ANO10: variants seen among roughly 807,000 people sequenced by gnomAD.
ANO10 encodes the protein anoctamin-10.
A neutral mutation model predicts 74.7 loss-of-function variants in ANO10; 77 were observed. That is an observed-to-expected ratio of 1.03 (90% CI 0.86 to 1.25). The LOEUF is 1.25. ANO10 is among the 50% of genes most tolerant of loss of function. The pLI is 0.00. For missense variants in ANO10, 721 were observed against 778.1 expected, an observed-to-expected ratio of 0.93 and a Z score of 0.87; for synonymous variants, 279 against 284.9, an observed-to-expected ratio of 0.98 and a Z score of 0.21.
At chr3:43,461,583 A>G (rs143440626) in intron 11 of ANO10, among the ~76,000 whole-genome samples, 8 of 152,300 alleles carry the variant, frequency 5.3e-5, no homozygotes, top group African/African-American at 1.7e-4. Context: ...AAGTCTCACA[A>G]GATATGATGG....
rs565266382 is a variant in ANO10, at chr3:43,591,938, C to A, written c.472+6594G>T. ...TCCAATGGTCTTAGCAAACGGCACA[C>A]CAGGAGATTATATCCTGTGCCTGGC... On this transcript the variant is annotated intron_variant, in intron 4 of 12. Coordinates refer to ENST00000292246, the MANE Select transcript of ANO10 (RefSeq NM_018075.5). Among the ~76,000 whole-genome samples the A allele has an allele frequency of 2.3e-4, 35 of 152,346 alleles. No homozygotes were observed. In the South Asian group the frequency reaches 6.6e-3, roughly 29 times the overall value.
intron 1 of ANO10, among the ~76,000 whole-genome samples, chr3:43,644,408 T>C (rs1488754712): frequency 6.6e-6 from 1 of 151,794 alleles, no homozygotes; most frequent in Non-Finnish European, 1.5e-5. Context: ...GGGTGAGAAA[T>C]GAGATCAAGG....
At chr3:43,448,047 G>C (rs544718054) in intron 11 of ANO10, among the ~76,000 whole-genome samples, 2 of 152,352 alleles carry the variant, frequency 1.3e-5, no homozygotes, top group African/African-American at 4.8e-5. Context: ...GAGCGACAAT[G>C]ATGGGATAGT....
chr3:43,397,855 T>C (rs1249169502), intron 12 of ANO10, among the ~76,000 whole-genome samples: 2 of 152,188 alleles, frequency 1.3e-5, no homozygotes, highest in Non-Finnish European at 2.9e-5. Context: ...TCTATCTCTA[T>C]CTCTCAGAGA....
intron 12 of ANO10, among the ~76,000 whole-genome samples, chr3:43,399,161 T>C (rs1269159255): frequency 6.6e-6 from 1 of 152,218 alleles, no homozygotes; most frequent in Non-Finnish European, 1.5e-5. Context: ...CTGATTTACA[T>C]GCGAAACACT....
chr3:43,457,589 G>A (rs1423065667), intron 11 of ANO10, among the ~76,000 whole-genome samples: 2 of 152,098 alleles, frequency 1.3e-5, no homozygotes, highest in African/African-American at 4.8e-5. Flanking sequence ...CTCAACATGT[G>A]GGGATCACGG....
chr3:43,562,541 C>T lies in ANO10; in HGVS notation c.1294-1139G>A, dbSNP rs182406991. Reference sequence around the variant, plus strand: ...ACTAAAAATACAAAAATTAGCCAGGCGTGGTGGCGCACATCTGTAATCCCA... The same window carrying T: ...ACTAAAAATACAAAAATTAGCCAGGTGTGGTGGCGCACATCTGTAATCCCA... On this transcript the variant is annotated intron_variant, in intron 8 of 12. Transcript: ENST00000292246. 2.1e-3 allele frequency among the ~76,000 whole-genome samples: 308 copies of T among 146,012 alleles called. 3 individuals carry two copies. Among genetic ancestry groups the T allele is most frequent in the Non-Finnish European group, 3.1e-3 (208 of 67,016 alleles).
chr3:43,397,254 G>C (rs1421192383), intron 12 of ANO10, among the ~76,000 whole-genome samples: 10 of 152,066 alleles, frequency 6.6e-5, no homozygotes, highest in Non-Finnish European at 1.3e-4. Context: ...TTAGAAGTCA[G>C]GTGTGCATCT....
intron 12 of ANO10, among the ~76,000 whole-genome samples, chr3:43,416,447 CAA>C (rs2092740368): frequency 6.6e-6 from 1 of 152,056 alleles, no homozygotes; most frequent in Non-Finnish European, 1.5e-5. Flanking sequence ...ATACAAAACT[CAA>C]AAATTTATGG....
chr3:43,422,035 A>G (rs1309945146), intron 12 of ANO10, among the ~76,000 whole-genome samples: 1 of 152,256 alleles, frequency 6.6e-6, no homozygotes, highest in Non-Finnish European at 1.5e-5. Context: ...GTTGACCATC[A>G]TGGCAATGCA....
chr3:43,588,060 T>C (rs1297445568), intron 4 of ANO10, among the ~76,000 whole-genome samples: 3 of 152,142 alleles, frequency 2.0e-5, no homozygotes, highest in East Asian at 1.9e-4. Context: ...CAGAACCAGA[T>C]GGTTTCATAT....
chr3:43,663,593 T>A (rs2083952124), intron 1 of ANO10, among the ~76,000 whole-genome samples: 1 of 152,144 alleles, frequency 6.6e-6, no homozygotes, highest in African/African-American at 2.4e-5. Context: ...AGAGTGGAAT[T>A]CAAATTGTCT....
intron 11 of ANO10, among the ~76,000 whole-genome samples, chr3:43,530,334 G>A (rs1368331134): frequency 1.8e-5 from 2 of 108,840 alleles, no homozygotes; most frequent in Admixed American, 9.1e-5. Context: ...ACAAGTGAAC[G>A]AAAAGTAAGC....
intron 2 of ANO10, among the ~76,000 whole-genome samples, chr3:43,602,346 T>A (rs2149486859): frequency 1.3e-5 from 2 of 152,286 alleles, no homozygotes; most frequent in East Asian, 3.9e-4. Flanking sequence ...TTAATTAATT[T>A]ATTTATTTTG....
intron 12 of ANO10, among the ~76,000 whole-genome samples, chr3:43,415,545 C>CTTTTTTTTTT (rs538224235): frequency 1.4e-5 from 2 of 147,246 alleles, no homozygotes; most frequent in African/African-American, 5.0e-5. Flanking sequence ...TTCTTTCTTT[C>CTTTTTTTTTT]TTTTTTTTTT....
chr3:43,485,550 T>A (rs2076445036), intron 11 of ANO10: 1 of 244,560 alleles, frequency 4.1e-6, no homozygotes, highest in South Asian at 5.3e-5. Flanking sequence ...GAACCCCAGG[T>A]CAGAGAAGAC....
At chr3:43,471,135 G>T (rs2075841387) in intron 11 of ANO10, among the ~76,000 whole-genome samples, 1 of 152,106 alleles carries the variant, frequency 6.6e-6, no homozygotes, top group Admixed American at 6.6e-5. Flanking sequence ...ACATAACACT[G>T]CTGTGGTGAC....
At chr3:43,450,793 G>C (rs567973100) in intron 11 of ANO10, among the ~76,000 whole-genome samples, 4 of 152,150 alleles carry the variant, frequency 2.6e-5, no homozygotes, top group Non-Finnish European at 5.9e-5. Context: ...TTTTTGTAAT[G>C]TAACAGATTA....
At chr3:43,444,549 A>G (rs1441466770) in intron 11 of ANO10, among the ~76,000 whole-genome samples, 1 of 152,212 alleles carries the variant, frequency 6.6e-6, no homozygotes, top group East Asian at 1.9e-4. Context: ...TCATTCTACT[A>G]TATACTTACT....
Sources: gnomAD v4.1 joint callset for allele counts (sites outside exome capture counted in the v4.1 genomes callset) on GRCh38, gnomAD v4.1.1 for gene constraint, MANE v1.5 for transcripts, NCBI Gene and HGNC (gene_info 2026-07-23, HGNC 2026-07-21) for gene names.